Variants in CNGA1 observed in about 807,000 individuals in gnomAD.
CNGA1 encodes cyclic nucleotide gated channel subunit alpha 1.
CNGA1 carries 53 observed loss-of-function variants against 69.7 expected under a neutral mutation model. The observed-to-expected ratio is 0.76, with a 90% confidence interval of 0.61 to 0.96. The LOEUF (loss-of-function observed/expected upper bound fraction) is 0.96. Among genes scored for constraint, CNGA1 ranks in the 40% least tolerant of loss-of-function variants. CNGA1 has a pLI of 0.00. For synonymous variants in CNGA1, 249 were observed against 283.5 expected (o/e 0.88, Z 1.22); for missense variants, 739 against 811.2 (o/e 0.91, Z 1.08).
intron 9 of CNGA1, 43 bp from the exon 10 acceptor site, chr4:47,940,912 G>A (rs548258815): frequency 3.1e-6 from 4 of 1,295,762 alleles, no homozygotes; most frequent in Non-Finnish European, 4.5e-6. Flanking sequence ...AAGAAATGGG[G>A]GCCAATTTAA....
At chr4:47,945,311 G>C (rs945300798) in intron 6 of CNGA1, among the ~76,000 whole-genome samples, 1 of 152,126 alleles carries the variant, frequency 6.6e-6, no homozygotes, top group African/African-American at 2.4e-5. Flanking sequence ...TAAAACCAAT[G>C]ACTAGAGGAG....
In CNGA1 at chr4:47,946,865, A is replaced by G. The variant is rs190768577; in HGVS notation, c.287+2968T>C. Among the ~76,000 whole-genome samples the G allele has an allele frequency of 4.6e-5, 7 of 152,086 alleles. No individual in the cohort carries two copies. The East Asian group carries it at 1.2e-3, about 25-fold the overall frequency. ...GGTGGCACAATCTCGGCTCACTGCA[A>G]CCTCTGCCTCCCAGTTCAAGTGATT... is the stretch of plus-strand genomic sequence containing the variant. On this transcript the variant is annotated intron_variant, in intron 6 of 10. Transcript: ENST00000514170.
chr4:47,994,974 ATTG>A (rs1305303390), intron 2 of CNGA1, among the ~76,000 whole-genome samples: 1 of 152,114 alleles, frequency 6.6e-6, no homozygotes, highest in East Asian at 1.9e-4. Flanking sequence ...TTGGCTGATA[ATTG>A]TTTTGTTTGA....
rs1739115004 is a variant in CNGA1 at position 47,942,079 on chromosome 4, T to A, written c.507A>T (p.Thr169=). Residue 169 remains threonine (T), a synonymous_variant, in exon 9 of 11, where the codon ACA becomes ACT. Coordinates refer to ENST00000514170, the MANE Select transcript of CNGA1 (RefSeq NM_001379270.1). The stretch of plus-strand genomic sequence containing the variant: ...TTGTCCAGTTGTACATAACAGGTAA[T>A]GTGATGCAAAACAGCCAGTTGTAAT... ...NTYYNWLFCI[T]LPVMYNWTMV... 1.2e-6 allele frequency: 2 copies of A among 1,612,990 alleles called. No homozygotes were observed. Among genetic ancestry groups the A allele is most frequent in the South Asian group, 2.2e-5 (2 of 91,066 alleles).
At chr4:47,959,051 G>GT in intron 3 of CNGA1, 1 of 152,152 alleles carries the variant, frequency 6.6e-6, no homozygotes, top group East Asian at 1.9e-4. Flanking sequence ...AGAAGAAAAT[G>GT]TTTGCGAAGA....
chr4:48,013,770 G>A (rs1389424849), intron 1 of CNGA1, among the ~76,000 whole-genome samples: 1 of 152,180 alleles, frequency 6.6e-6, no homozygotes, highest in East Asian at 1.9e-4. Flanking sequence ...CAAGATGGAG[G>A]ATGAATTACT....
At chr4:47,958,803 A>G (rs1243232477) in intron 3 of CNGA1, among the ~76,000 whole-genome samples, 2 of 152,194 alleles carry the variant, frequency 1.3e-5, no homozygotes, top group African/African-American at 4.8e-5. Context: ...GAGCTCTTGA[A>G]CGTAATACCT....
intron 8 of CNGA1, among the ~76,000 whole-genome samples, chr4:47,942,542 C>T (rs1739150724): frequency 6.6e-6 from 1 of 152,158 alleles, no homozygotes. Context: ...TTGTATACCT[C>T]AGCCACTGAG....
intron 2 of CNGA1, among the ~76,000 whole-genome samples, chr4:48,005,590 A>C (rs1243439187): frequency 2.0e-5 from 3 of 152,222 alleles, no homozygotes; most frequent in Admixed American, 1.3e-4. Flanking sequence ...AATACCTATG[A>C]GTTGGGTAAA....
intron 2 of CNGA1, among the ~76,000 whole-genome samples, chr4:48,009,818 G>T (rs1715073368): frequency 6.6e-6 from 1 of 152,072 alleles, no homozygotes; most frequent in South Asian, 2.1e-4. Flanking sequence ...AAAAGAAAAA[G>T]AAAAAGCATT....
At chr4:47,952,793 C>T in intron 3 of CNGA1, 90 bp from the exon 4 acceptor site, 2 of 885,776 alleles carry the variant, frequency 2.3e-6, no homozygotes, top group Non-Finnish European at 3.1e-6. Flanking sequence ...TTAGTCTGTC[C>T]TCATGCTGCT....
chr4:48,009,267 C>A (rs916709071), intron 2 of CNGA1, among the ~76,000 whole-genome samples: 1 of 151,672 alleles, frequency 6.6e-6, no homozygotes, highest in Non-Finnish European at 1.5e-5. Context: ...GAGATCGAGA[C>A]CAGCCTGGCT....
At chr4:47,939,897 G>A (rs1222444852) in intron 10 of CNGA1, among the ~76,000 whole-genome samples, 1 of 152,142 alleles carries the variant, frequency 6.6e-6, no homozygotes, top group East Asian at 1.9e-4. Flanking sequence ...GCCCTATCGT[G>A]GACGCTTGGG....
rs1021566745 is a variant in CNGA1 at position 47,950,043 on chromosome 4, T to A, written c.225-148A>T. Reference sequence around the variant, plus strand: ...GATGATAGATATTTCAAAAACATATTATGAAGCATAAAGCATAAAAGTATA... The same window carrying A: ...GATGATAGATATTTCAAAAACATATAATGAAGCATAAAGCATAAAAGTATA... On this transcript the variant is annotated intron_variant, in intron 5 of 10. Coordinates refer to ENST00000514170, the MANE Select transcript of CNGA1 (RefSeq NM_001379270.1). The A allele has an allele frequency of 5.6e-6, 4 of 708,096 alleles. No homozygotes were observed. In the African/African-American group the frequency reaches 7.1e-5, roughly 13 times the overall value. The allele number at this position is 708,096 out of a possible 1,614,324, so 43.9% of individuals were successfully genotyped here.
intron 8 of CNGA1, 58 bp downstream of exon 8, chr4:47,943,123 C>A: frequency 8.4e-7 from 1 of 1,189,714 alleles, no homozygotes; most frequent in East Asian, 2.3e-5. Flanking sequence ...GAAAATCATC[C>A]CTGCATCTAA....
intron 3 of CNGA1, among the ~76,000 whole-genome samples, chr4:47,973,385 A>G (rs1057339705): frequency 6.6e-5 from 10 of 152,222 alleles, no homozygotes; most frequent in African/African-American, 2.4e-4. Flanking sequence ...CTAAAGCACC[A>G]TCTTTAAACA....
At chr4:47,993,092 C>G (rs139471171) in intron 2 of CNGA1, among the ~76,000 whole-genome samples, 104 of 152,134 alleles carry the variant, frequency 6.8e-4, no homozygotes, top group African/African-American at 2.3e-3. Flanking sequence ...ATTCGGTTAG[C>G]TAGTATTTTG....
intron 1 of CNGA1, among the ~76,000 whole-genome samples, chr4:48,013,944 C>A (rs1715271684): frequency 6.6e-6 from 1 of 152,202 alleles, no homozygotes; most frequent in African/African-American, 2.4e-5. Context: ...ACCAGGAACC[C>A]TCCCAGACCT....
intron 1 of CNGA1, among the ~76,000 whole-genome samples, chr4:48,012,457 A>C (rs543384976): frequency 1.3e-5 from 2 of 152,006 alleles, no homozygotes; most frequent in African/African-American, 4.8e-5. Flanking sequence ...TTGGCCTAAC[A>C]AAAAGGGTGG....
Sources: gnomAD v4.1 joint callset for allele counts (sites outside exome capture counted in the v4.1 genomes callset) on GRCh38, gnomAD v4.1.1 for gene constraint, MANE v1.5 for transcripts, NCBI Gene and HGNC (gene_info 2026-07-23, HGNC 2026-07-21) for gene names.